The following KCNB2 variants were observed in gnomAD, a reference collection of about 807,000 sequenced individuals.
KCNB2 encodes potassium voltage-gated channel subfamily B member 2.
Under a neutral mutation model 61.5 loss-of-function variants are expected in KCNB2, and 15 were observed. That is an observed-to-expected ratio of 0.24 (90% CI 0.16 to 0.38). The LOEUF is 0.38. Among genes scored for constraint, KCNB2 ranks in the 10% least tolerant of loss-of-function variants. KCNB2 has a pLI of 1.00. For missense variants in KCNB2, 828 were observed against 1,125.2 expected, an observed-to-expected ratio of 0.74 and a Z score of 3.78; for synonymous variants, 457 against 446.0, an observed-to-expected ratio of 1.02 and a Z score of -0.31.
chr8:72,899,765 G>T (rs1806055198), intron 2 of KCNB2, among the ~76,000 whole-genome samples: 1 of 152,120 alleles, frequency 6.6e-6, no homozygotes, highest in Non-Finnish European at 1.5e-5. Context: ...CATCCTCATA[G>T]ATTGGGCGCC....
chr8:72,931,549 T>C (rs1806784028), intron 2 of KCNB2, among the ~76,000 whole-genome samples: 2 of 152,234 alleles, frequency 1.3e-5, no homozygotes, highest in African/African-American at 4.8e-5. Flanking sequence ...TATTTTATTT[T>C]CTTTGAAGCA....
intron 2 of KCNB2, among the ~76,000 whole-genome samples, chr8:72,901,065 A>G (rs13279934): frequency 0.2 from 30,616 of 152,144 alleles, 3,233 homozygotes; most frequent in Non-Finnish European, 0.23. Flanking sequence ...TCACAATAGC[A>G]AAGACGTGGT....
In KCNB2 at chr8:72,816,184, A is replaced by C. The variant is rs575747586; in HGVS notation, c.580-119751A>C. On this transcript the variant is annotated intron_variant, in intron 2 of 2. Coordinates refer to ENST00000523207, the MANE Select transcript of KCNB2 (RefSeq NM_004770.3). ...AGATTTCCTTAAAGAGGGAAGATTG[A>C]ACAGATTTCTGCAAAATGTGATGAA... Among the ~76,000 whole-genome samples the C allele has an allele frequency of 1.5e-3, 230 of 152,316 alleles. 3 individuals carry two copies. Among genetic ancestry groups the C allele is most frequent in the Non-Finnish European group, 2.9e-3 (196 of 68,014 alleles).
chr8:72,560,909 C>T (rs949521179), intron 1 of KCNB2, among the ~76,000 whole-genome samples: 1 of 151,832 alleles, frequency 6.6e-6, no homozygotes, highest in Non-Finnish European at 1.5e-5. Flanking sequence ...ATGTTTAGGG[C>T]CTAGTTCTTT....
At chr8:72,620,265 AG>A (rs1167197389) in intron 2 of KCNB2, among the ~76,000 whole-genome samples, 1 of 152,244 alleles carries the variant, frequency 6.6e-6, no homozygotes, top group Non-Finnish European at 1.5e-5. Flanking sequence ...CAGGCAGTTT[AG>A]ATGTTCTGCC....
At chr8:72,656,938 A>T (rs995996709) in intron 2 of KCNB2, among the ~76,000 whole-genome samples, 1 of 152,158 alleles carries the variant, frequency 6.6e-6, no homozygotes, top group African/African-American at 2.4e-5. Context: ...CTGATGGTTC[A>T]TGTCCATAAA....
chr8:72,623,811 A>C (rs973264794), intron 2 of KCNB2, among the ~76,000 whole-genome samples: 2 of 152,232 alleles, frequency 1.3e-5, no homozygotes, highest in Non-Finnish European at 2.9e-5. Flanking sequence ...GGATTTATAA[A>C]GAAGTTAGGT....
intron 2 of KCNB2, among the ~76,000 whole-genome samples, chr8:72,669,456 GAA>G (rs1301153364): frequency 2.0e-5 from 3 of 152,046 alleles, no homozygotes; most frequent in African/African-American, 7.2e-5. Flanking sequence ...AAAACTGACA[GAA>G]AAGAGATAAA....
At chr8:72,787,978 T>C (rs73686517) in intron 2 of KCNB2, among the ~76,000 whole-genome samples, 4,279 of 152,268 alleles carry the variant, frequency 0.028, 138 homozygotes, top group African/African-American at 0.075. Context: ...TTTGTGACTT[T>C]AGGCAAGCTG....
intron 2 of KCNB2, among the ~76,000 whole-genome samples, chr8:72,853,137 C>G (rs1214354856): frequency 6.6e-6 from 1 of 152,212 alleles, no homozygotes; most frequent in African/African-American, 2.4e-5. Context: ...ATTGTTAGCT[C>G]CTCCTCCCAA....
At chr8:72,642,084 G>A (rs1806064927) in intron 2 of KCNB2, among the ~76,000 whole-genome samples, 1 of 152,126 alleles carries the variant, frequency 6.6e-6, no homozygotes, top group Admixed American at 6.5e-5. Flanking sequence ...GAAGAAGACT[G>A]ATCGACGTTG....
chr8:72,895,500 A>C (rs961930793), intron 2 of KCNB2, among the ~76,000 whole-genome samples: 2 of 152,182 alleles, frequency 1.3e-5, no homozygotes, highest in South Asian at 4.1e-4. Context: ...CCTTAGTTTT[A>C]GCTCAGTGAG....
intron 2 of KCNB2, among the ~76,000 whole-genome samples, chr8:72,741,280 C>G (rs535679110): frequency 2.0e-5 from 3 of 152,186 alleles, no homozygotes; most frequent in Non-Finnish European, 4.4e-5. Flanking sequence ...TACTTAGGAG[C>G]CTTACCTTTG....
chr8:72,882,534 A>AGAGAGAGAGAGAGAGAGAGAGG (rs1563412283), intron 2 of KCNB2, among the ~76,000 whole-genome samples: 8 of 150,650 alleles, frequency 5.3e-5, no homozygotes, highest in African/African-American at 2.0e-4. Context: ...AGAGAGAGAG[A>AGAGAGAGAGAGAGAGAGAGAGG]GAGAGAGAGA....
At chr8:72,768,201 G>T (rs2128996968) in intron 2 of KCNB2, among the ~76,000 whole-genome samples, 1 of 152,190 alleles carries the variant, frequency 6.6e-6, no homozygotes, top group Non-Finnish European at 1.5e-5. Context: ...GTTTGTGACT[G>T]AGTCTCACCC....
At chr8:72,636,671 C>T (rs958929248) in intron 2 of KCNB2, among the ~76,000 whole-genome samples, 7 of 152,112 alleles carry the variant, frequency 4.6e-5, no homozygotes, top group Non-Finnish European at 1.5e-5. Flanking sequence ...AATGCTGTAG[C>T]CTAGTTTTCT....
intron 2 of KCNB2, among the ~76,000 whole-genome samples, chr8:72,695,703 C>T (rs1472763044): frequency 6.6e-6 from 1 of 151,828 alleles, no homozygotes; most frequent in Admixed American, 6.6e-5. Flanking sequence ...TTTTTTCTGG[C>T]ATGATTTTTC....
intron 2 of KCNB2, among the ~76,000 whole-genome samples, chr8:72,765,378 C>T (rs1161939302): frequency 6.6e-6 from 1 of 152,126 alleles, no homozygotes; most frequent in African/African-American, 2.4e-5. Flanking sequence ...CTTATTAACC[C>T]AAATTTAATG....
In KCNB2 at chr8:72,862,695, T is replaced by C. The variant is rs73686549; in HGVS notation, c.580-73240T>C. Among the ~76,000 whole-genome samples, 556 of 152,344 alleles carry C rather than the reference T, an allele frequency of 3.6e-3. 4 individuals carry two copies. Among genetic ancestry groups the C allele is most frequent in the African/African-American group, 0.012 (517 of 41,584 alleles). On this transcript the variant is annotated intron_variant, in intron 2 of 2. Coordinates refer to ENST00000523207, the MANE Select transcript of KCNB2 (RefSeq NM_004770.3). ...ATGAAGCTGTTATTTTTACTGTTAC[T>C]ATCATTACTCAGGTCTCCACTCTTG...
Sources: gnomAD v4.1 joint callset for allele counts (sites outside exome capture counted in the v4.1 genomes callset) on GRCh38, gnomAD v4.1.1 for gene constraint, MANE v1.5 for transcripts, NCBI Gene and HGNC (gene_info 2026-07-23, HGNC 2026-07-21) for gene names.